The following PLPP2 variants were observed in gnomAD, a reference collection of about 807,000 sequenced individuals.
PLPP2 encodes the protein PAP2-gamma.
A neutral mutation model predicts 35.2 loss-of-function variants in PLPP2; 29 were observed. The ratio of observed to expected loss-of-function variants is 0.82; its 90% CI spans 0.61 to 1.12. The LOEUF (loss-of-function observed/expected upper bound fraction) is 1.12, where lower values mean the gene tolerates loss of function less well. PLPP2 is among the 50% of genes most tolerant of loss of function. The probability of loss-of-function intolerance (pLI) is 0.00; values close to 1 mark genes in which losing one functional copy is unlikely to be tolerated. For synonymous variants in PLPP2, 162 were observed against 167.0 expected (o/e 0.97, Z 0.23); for missense variants, 353 against 375.2 (o/e 0.94, Z 0.49).
Position 287,090 on chromosome 19 carries a change from T to G in PLPP2, c.482+384A>C. 5.5e-6 allele frequency: 1 copy of G among 182,094 alleles called. No individual in the cohort carries two copies. Among genetic ancestry groups the G allele is most frequent in the East Asian group, 1.5e-4 (1 of 6,556 alleles). 11.3% of individuals were successfully genotyped at this position (182,094 alleles called of 1,614,324 possible). The stretch of plus-strand genomic sequence containing the variant: ...AAGAATGGAAAAAAAAAATATTCCA[T>G]GCAAACAATAACAAAAAGAGAACCA... On this transcript the variant is annotated intron_variant, in intron 3 of 5. Coordinates refer to ENST00000434325, the MANE Select transcript of PLPP2 (RefSeq NM_003712.4). This position sits in a 1 kb window ranked among gnomAD's most constrained non-coding sequence, Gnocchi z 4.3.
intron 4 of PLPP2, 65 bp from the exon 5 acceptor site, chr19:282,375 A>ATGGCAGCACTGAGGCCGGAGG (rs1970194660): frequency 1.4e-6 from 2 of 1,441,724 alleles, no homozygotes. Flanking sequence ...CCCTGCACAG[A>ATGGCAGCACTGAGGCCGGAGG]CGTGTTAGCC....
chr19:290,262 G>C (rs376222553), intron 1 of PLPP2, among the ~76,000 whole-genome samples: 1 of 152,144 alleles, frequency 6.6e-6, no homozygotes, highest in African/African-American at 2.4e-5. Flanking sequence ...TGTGACCTCC[G>C]GCAGGTGACT....
At chr19:290,130 TCA>T (rs1395469490) in intron 1 of PLPP2, among the ~76,000 whole-genome samples, 8 of 152,002 alleles carry the variant, frequency 5.3e-5, no homozygotes, top group African/African-American at 1.7e-4. Flanking sequence ...ATCTGGAACC[TCA>T]GTGTTGACTG....
intron 3 of PLPP2, 98 bp from the exon 4 acceptor site, chr19:282,907 G>A: frequency 9.1e-7 from 1 of 1,098,044 alleles, no homozygotes; most frequent in South Asian, 1.3e-5. Flanking sequence ...CACGGAGGCT[G>A]CTGCTGTTAG....
intron 1 of PLPP2, among the ~76,000 whole-genome samples, chr19:290,145 C>A (rs1304877742): frequency 6.6e-6 from 1 of 152,124 alleles, no homozygotes; most frequent in Non-Finnish European, 1.5e-5. Flanking sequence ...GTTGACTGAA[C>A]TGTGGTGTGC....
At chr19:286,839 CCTGTAGTCCTAGCTA>C (rs1443692347) in intron 3 of PLPP2, 1 of 152,208 alleles carries the variant, frequency 6.6e-6, no homozygotes, top group Non-Finnish European at 1.5e-5. Context: ...GTGGCACGTT[CCTGTAGTCCTAGCTA>C]CTCGGGAGGC....
Position 281,206 on chromosome 19 carries a change from G to A in PLPP2, c.*182C>T, listed in dbSNP as rs1177905529. On this transcript the variant is annotated 3_prime_UTR_variant, in exon 6 of 6. Transcript: ENST00000434325. ...CCCTCCAAATGCTGAGGGCTACCCAGGCATCTCCAGACTCCTGGTCCAGTG... is the reference window on the plus strand; with the variant it reads ...CCCTCCAAATGCTGAGGGCTACCCAAGCATCTCCAGACTCCTGGTCCAGTG... The A allele has an allele frequency of 1.4e-5, 7 of 495,134 alleles. No individual in the cohort carries two copies. Among genetic ancestry groups the A allele is most frequent in the Non-Finnish European group, 2.2e-5 (7 of 314,838 alleles). 30.7% of individuals were successfully genotyped at this position (495,134 alleles called of 1,614,324 possible). A position where few individuals can be genotyped will look rare whatever the true frequency, so the allele number is the denominator to read the frequency against.
rs1600088172 is a variant in PLPP2 at position 291,093 on chromosome 19, C to A, written c.52+192G>T. 9.7e-6 allele frequency: 13 copies of A among 1,338,748 alleles called. No homozygotes were observed. In the East Asian group the frequency reaches 4.0e-4, roughly 42 times the overall value. 82.9% of individuals were successfully genotyped at this position (1,338,748 alleles called of 1,614,324 possible). On this transcript the variant is annotated intron_variant, in intron 1 of 5. Coordinates refer to ENST00000434325, the MANE Select transcript of PLPP2 (RefSeq NM_003712.4). ...CCCCTGGGCCTGGGACGCGGGGACC[C>A]CCGAGCCTGGGAGGGCGCGCGCAGT...
rs1298149649 is a variant in PLPP2 at position 288,046 on chromosome 19, C to A, written c.178G>T (p.Val60Phe). 4 of 1,613,758 alleles carry A rather than the reference C, an allele frequency of 2.5e-6. No homozygotes were observed. Among genetic ancestry groups the A allele is most frequent in the South Asian group, 2.2e-5 (2 of 91,064 alleles). The part of the protein sequence containing the change: ...DTITHGLMAG[V>F]TITATVILVS... ...AGGATGACGGTGGCCGTGATGGTGA[C>A]CCCAGCCATGAGCCCGTGGGTGATG... The change falls in exon 2 of 6, where the codon GTC (valine) becomes TTC (phenylalanine). Residue 60 changes from valine (V) to phenylalanine (F), a missense_variant. Coordinates refer to ENST00000434325, the MANE Select transcript of PLPP2 (RefSeq NM_003712.4).
rs758225813 is a variant in PLPP2, at chr19:287,498, T to C, written c.458A>G (p.Asn153Ser). ...CCTGGCCTCGGTGACATCAGCAGGG[T>C]TTCCCCTGCACACCTTCTCCAGCTG... The part of the protein sequence containing the change: ...YVQLEKVCRG[N>S]PADVTEARLS... The change falls in exon 3 of 6, where the codon AAC (asparagine) becomes AGC (serine). Residue 153 changes from asparagine (N) to serine (S), a missense_variant. By Grantham distance (46) the Asn-to-Ser change is conservative. Coordinates refer to ENST00000434325, the MANE Select transcript of PLPP2 (RefSeq NM_003712.4). The surrounding 1 kb of genome is among the most constrained non-coding windows in gnomAD (Gnocchi z 4.3). 6.2e-7 allele frequency: 1 copy of C among 1,612,204 alleles called. No homozygotes were observed. The highest frequency in any genetic ancestry group is 8.5e-7 in the Non-Finnish European group (1 of 1,178,964).
intron 1 of PLPP2, among the ~76,000 whole-genome samples, chr19:289,547 C>G (rs28534823): frequency 0.69 from 105,240 of 151,504 alleles, 37,186 homozygotes; most frequent in African/African-American, 0.72. Context: ...AACCCCAACT[C>G]TACTAAAAAT....
rs144640091 is a variant in PLPP2 at position 290,307 on chromosome 19, G to C, written c.52+978C>G. 2.8e-3 allele frequency among the ~76,000 whole-genome samples: 426 copies of C among 152,328 alleles called. 1 individual carries two copies. The highest frequency in any genetic ancestry group is 9.7e-3 in the African/African-American group (404 of 41,566). ...CCTCACAGGCTGTTGTAAGGGAAATGTTTGTTATTTGCATGTTGCTTAGTT... is the reference window on the plus strand; with the variant it reads ...CCTCACAGGCTGTTGTAAGGGAAATCTTTGTTATTTGCATGTTGCTTAGTT... On this transcript the variant is annotated intron_variant, in intron 1 of 5. Coordinates refer to ENST00000434325, the MANE Select transcript of PLPP2 (RefSeq NM_003712.4).
At chr19:289,543 A>G (rs191429144) in intron 1 of PLPP2, among the ~76,000 whole-genome samples, 125 of 152,058 alleles carry the variant, frequency 8.2e-4, no homozygotes, top group Middle Eastern at 3.4e-3. Flanking sequence ...GTGAAACCCC[A>G]ACTCTACTAA....
Position 287,550 on chromosome 19 carries a change from T to A in PLPP2, c.406A>T (p.Ser136Cys). The A allele has an allele frequency of 6.2e-7, 1 of 1,613,706 alleles. No individual in the cohort carries two copies. The highest frequency in any genetic ancestry group is 8.5e-7 in the Non-Finnish European group (1 of 1,180,014). ...NFLAVCDPDW[S>C]RVNCSVYVQL... ...ACATAGACCGAGCAGTTGACCCGGCTCCAGTCGGGGTCGCAGACGGCTAGG... is the reference window on the plus strand; with the variant it reads ...ACATAGACCGAGCAGTTGACCCGGCACCAGTCGGGGTCGCAGACGGCTAGG... Residue 136 changes from serine to cysteine, a missense_variant, in exon 3 of 6, where the codon AGC (serine) becomes TGC (cysteine). Transcript: ENST00000434325. The surrounding 1 kb of genome is among the most constrained non-coding windows in gnomAD (Gnocchi z 4.3).
In PLPP2 at chr19:287,442, C is replaced by T. The variant is rs1449375394; in HGVS notation, c.482+32G>A. On this transcript the variant is annotated intron_variant, in intron 3 of 5. Transcript: ENST00000434325. The surrounding 1 kb of genome is among the most constrained non-coding windows in gnomAD (Gnocchi z 4.3). ...AGGGCCTTCTTCAGCTCCCATTCCC[C>T]ACAAGAGTGAAGGCTGCTGGTCCAC... 3.2e-6 allele frequency: 5 copies of T among 1,586,292 alleles called. No homozygotes were observed. Among genetic ancestry groups the T allele is most frequent in the Non-Finnish European group, 4.3e-6 (5 of 1,162,436 alleles).
At chr19:289,946 C>T (rs567561077) in intron 1 of PLPP2, among the ~76,000 whole-genome samples, 31 of 152,212 alleles carry the variant, frequency 2.0e-4, no homozygotes, top group African/African-American at 7.0e-4. Context: ...GGTTAGCCTC[C>T]GTTTCCGACC....
chr19:289,389 A>G (rs1245160254), intron 1 of PLPP2, among the ~76,000 whole-genome samples: 2 of 152,190 alleles, frequency 1.3e-5, no homozygotes, highest in African/African-American at 4.8e-5. Context: ...TCTGGTGAAG[A>G]AAACAGAGGC....
At chr19:288,661 C>G (rs1372669022) in intron 1 of PLPP2, 1 of 152,956 alleles carries the variant, frequency 6.5e-6, no homozygotes, top group African/African-American at 2.4e-5. Flanking sequence ...CTCTCATCTC[C>G]CCTGCTGACT....
At chr19:286,226 C>G (rs2145272098) in intron 3 of PLPP2, 1 of 151,526 alleles carries the variant, frequency 6.6e-6, no homozygotes, top group South Asian at 2.1e-4. Flanking sequence ...AATCCCAGCA[C>G]TTTGGGAGGC....
Sources: gnomAD v4.1 joint callset for allele counts (sites outside exome capture counted in the v4.1 genomes callset) on GRCh38, gnomAD v4.1.1 for gene constraint, Gnocchi (gnomAD v3.1) non-coding constraint, MANE v1.5 for transcripts, NCBI Gene and HGNC (gene_info 2026-07-23, HGNC 2026-07-21) for gene names.